RNF112: variants seen among roughly 807,000 people sequenced by gnomAD.
RNF112 encodes brain finger protein.
Under a neutral mutation model 64.7 loss-of-function variants are expected in RNF112, and 34 were observed. That is an observed-to-expected ratio of 0.53 (90% CI 0.40 to 0.70). RNF112 has a LOEUF of 0.70. RNF112 is among the 30% of genes least tolerant of loss of function. The pLI is 0.00. For missense variants in RNF112, 734 were observed against 850.0 expected, an observed-to-expected ratio of 0.86 and a Z score of 1.70; for synonymous variants, 345 against 344.5, an observed-to-expected ratio of 1.00 and a Z score of -0.02.
At chr17:19,414,743 C>T (rs1320893829) in intron 9 of RNF112, 27 bp from the exon 10 acceptor site, 1 of 1,612,258 alleles carries the variant, frequency 6.2e-7, no homozygotes, top group African/African-American at 1.3e-5. Context: ...CCTCCTAGCT[C>T]AGAGCACTCC....
chr17:19,414,758 G>T lies in RNF112; in HGVS notation c.1009-12G>T. 1 of 1,612,686 alleles carries T rather than the reference G, an allele frequency of 6.2e-7. No individual in the cohort carries two copies. Among genetic ancestry groups the T allele is most frequent in the Non-Finnish European group, 8.5e-7 (1 of 1,179,576 alleles). Reference sequence around the variant, plus strand: ...CCTCCTAGCTCAGAGCACTCCTCTCGCTGCCTCACAGAGATTGTCTGGCAG... The same window carrying T: ...CCTCCTAGCTCAGAGCACTCCTCTCTCTGCCTCACAGAGATTGTCTGGCAG... On this transcript the variant is annotated splice_polypyrimidine_tract_variant and intron_variant, in intron 9 of 13. Transcript: ENST00000461366.
At position 19,415,419 on chromosome 17, in the gene RNF112, G is replaced by C; in HGVS notation, c.1350+80G>C. ...GTGGGGGCTGTGCCGAGGCCTCCGG[G>C]GTGGGGGTCTGTGTGCCCTGGGAGT... On this transcript the variant is annotated intron_variant, in intron 12 of 13. Transcript: ENST00000461366. This position sits in a 1 kb window ranked among gnomAD's most constrained non-coding sequence, Gnocchi z 7.8. 1 of 1,544,574 alleles carries C rather than the reference G, an allele frequency of 6.5e-7. No homozygotes were observed. The highest frequency in any genetic ancestry group is 1.2e-5 in the South Asian group (1 of 81,944).
In RNF112 at chr17:19,412,738, G is replaced by A; in HGVS notation, c.336G>A (p.Glu112=). The change falls in exon 3 of 14, where the codon GAG becomes GAA. Residue 112 remains glutamate (E), a synonymous_variant. Coordinates refer to ENST00000461366, the MANE Select transcript of RNF112 (RefSeq NM_007148.5). This position sits in a 1 kb window ranked among gnomAD's most constrained non-coding sequence, Gnocchi z 5.1. ...KQKRGLRSLG[E]KMKLLPQRPL... ...AGAGGGGCCTCCGGAGCCTGGGCGAGAAGATGAAGCTCCTGCCGCAGCGGC... is the reference window on the plus strand; with the variant it reads ...AGAGGGGCCTCCGGAGCCTGGGCGAAAAGATGAAGCTCCTGCCGCAGCGGC... 1 of 1,613,072 alleles carries A rather than the reference G, an allele frequency of 6.2e-7. No homozygotes were observed. The highest frequency in any genetic ancestry group is 8.5e-7 in the Non-Finnish European group (1 of 1,179,804).
chr17:19,416,355 G>T lies in RNF112; in HGVS notation c.*180G>T. 1 of 598,810 alleles carries T rather than the reference G, an allele frequency of 1.7e-6. No homozygotes were observed. Among genetic ancestry groups the T allele is most frequent in the Non-Finnish European group, 2.8e-6 (1 of 352,358 alleles). 37.1% of individuals were successfully genotyped at this position (598,810 alleles called of 1,614,324 possible). On this transcript the variant is annotated 3_prime_UTR_variant, in exon 14 of 14. Coordinates refer to ENST00000461366, the MANE Select transcript of RNF112 (RefSeq NM_007148.5). ...GACTCAAGGTGGCTCTTGGAACCTG[G>T]GAGGCAGCATCTGGGGGCAGTGGAT...
In RNF112 at chr17:19,411,613, T is replaced by TC. The variant is rs767625511; in HGVS notation, c.55-17_55-16insC. 3.2e-6 allele frequency: 5 copies of TC among 1,548,336 alleles called. No individual in the cohort carries two copies. The East Asian group carries it at 1.2e-4, about 38-fold the overall frequency. Reference sequence around the variant, plus strand: ...GGATTATGTTCTAAATCTTTTTTTTTTTTTTTTTTCTCCAAGGAGAGAAAA... The same window carrying TC: ...GGATTATGTTCTAAATCTTTTTTTTTCTTTTTTTTTCTCCAAGGAGAGAAAA... On this transcript the variant is annotated splice_polypyrimidine_tract_variant and intron_variant, in intron 1 of 13. Transcript: ENST00000461366.
chr17:19,413,493 G>T lies in RNF112; in HGVS notation c.720+82G>T. 1.3e-6 allele frequency: 2 copies of T among 1,566,772 alleles called. No individual in the cohort carries two copies. Among genetic ancestry groups the T allele is most frequent in the East Asian group, 2.3e-5 (1 of 44,250 alleles). ...GTCTCTGGGGTGAGGATAGAAGATG[G>T]GGATGGGACGGGGCAGGGTTGGGAA... is the stretch of plus-strand genomic sequence containing the variant. On this transcript the variant is annotated intron_variant, in intron 5 of 13. Transcript: ENST00000461366. The surrounding 1 kb of genome is among the most constrained non-coding windows in gnomAD (Gnocchi z 5.9).
rs1330660031 is a variant in RNF112 at position 19,415,824 on chromosome 17, G to A, written c.1545G>A (p.Lys515=). Residue 515 remains lysine, a synonymous_variant, in exon 14 of 14, where the codon AAG becomes AAA. Transcript: ENST00000461366. This position sits in a 1 kb window ranked among gnomAD's most constrained non-coding sequence, Gnocchi z 7.8. Reference sequence around the variant, plus strand: ...GCCATGGTGTGGCCTTACTCTGCAAGGGGAGAGATCAGACCTTGGAGGCAC... The same window carrying A: ...GCCATGGTGTGGCCTTACTCTGCAAAGGGAGAGATCAGACCTTGGAGGCAC... The part of the protein sequence containing the change: ...LARHGVALLC[K]GRDQTLEALE... The A allele has an allele frequency of 1.2e-6, 2 of 1,613,726 alleles. No homozygotes were observed. Among genetic ancestry groups the A allele is most frequent in the African/African-American group, 2.7e-5 (2 of 74,948 alleles).
rs1275719099 is a variant in RNF112, at chr17:19,413,692, G to A, written c.825+11G>A. ...CTGAGCTCCTACCAGGTGATGGGGG[G>A]CGCTGATGTTGGCATCCCCACCCCA... is the stretch of plus-strand genomic sequence containing the variant. On this transcript the variant is annotated intron_variant, in intron 6 of 13. Transcript: ENST00000461366. This position sits in a 1 kb window ranked among gnomAD's most constrained non-coding sequence, Gnocchi z 5.9. 17 of 1,583,252 alleles carry A rather than the reference G, an allele frequency of 1.1e-5. No individual in the cohort carries two copies. The highest frequency in any genetic ancestry group is 1.7e-4 in the Middle Eastern group (1 of 6,026).
chr17:19,411,604 CTTTTTTT>C lies in RNF112; in HGVS notation c.55-14_55-8del, dbSNP rs33912708. 5.4e-5 allele frequency: 77 copies of C among 1,414,234 alleles called. No individual in the cohort carries two copies. In the South Asian group the frequency reaches 7.6e-4, roughly 14 times the overall value. The allele number at this position is 1,414,234 out of a possible 1,614,324, so 87.6% of individuals were successfully genotyped here. On this transcript the variant is annotated intron_variant, in intron 1 of 13. Transcript: ENST00000461366. ...TAGAAGTCTGGATTATGTTCTAAATCTTTTTTTTTTTTTTTTTTCTCCAAGGAGAGAA... is the reference window on the plus strand; with the variant it reads ...TAGAAGTCTGGATTATGTTCTAAATCTTTTTTTTTTTCTCCAAGGAGAGAA...
chr17:19,414,860 A>G lies in RNF112; in HGVS notation c.1099A>G (p.Met367Val). The G allele has an allele frequency of 1.2e-6, 2 of 1,613,636 alleles. No homozygotes were observed. Among genetic ancestry groups the G allele is most frequent in the South Asian group, 1.1e-5 (1 of 91,076 alleles). The change falls in exon 10 of 14, where the codon ATG becomes GTG. Residue 367 changes from methionine (M) to valine (V), a missense_variant. Physicochemically the swap from Met to Val is conservative, Grantham distance 21. Transcript: ENST00000461366. ...CLLPAPGRRR[M>V]NQGHASPGDT... ...CTTGCCTGCCCCAGGGAGGCGGCGG[A>G]TGAACCAAGGCCATGCAAGCCCTGG... is the stretch of plus-strand genomic sequence containing the variant.
In RNF112 at chr17:19,413,685, A is replaced by T; in HGVS notation, c.825+4A>T. On this transcript the variant is annotated splice_donor_region_variant and intron_variant, in intron 6 of 13. Transcript: ENST00000461366. This position sits in a 1 kb window ranked among gnomAD's most constrained non-coding sequence, Gnocchi z 5.9. Reference sequence around the variant, plus strand: ...CACGATGCTGAGCTCCTACCAGGTGATGGGGGGCGCTGATGTTGGCATCCC... The same window carrying T: ...CACGATGCTGAGCTCCTACCAGGTGTTGGGGGGCGCTGATGTTGGCATCCC... 1 of 1,598,490 alleles carries T rather than the reference A, an allele frequency of 6.3e-7. No individual in the cohort carries two copies. The highest frequency in any genetic ancestry group is 2.3e-5 in the East Asian group (1 of 44,430).
At chr17:19,411,960 T>C in intron 2 of RNF112, 5 of 542,260 alleles carry the variant, frequency 9.2e-6, no homozygotes. Context: ...TAGCATGGGG[T>C]TGTGGAGGGT....
chr17:19,416,242 G>T lies in RNF112; in HGVS notation c.*67G>T, dbSNP rs1913891786. 5.7e-6 allele frequency: 8 copies of T among 1,400,358 alleles called. No individual in the cohort carries two copies. In the South Asian group the frequency reaches 7.0e-5, roughly 12 times the overall value. The allele number at this position is 1,400,358 out of a possible 1,614,324, so 86.7% of individuals were successfully genotyped here. On this transcript the variant is annotated 3_prime_UTR_variant, in exon 14 of 14. Coordinates refer to ENST00000461366, the MANE Select transcript of RNF112 (RefSeq NM_007148.5). ...GGGATGAAGAAGAGGGGCAGGTCGG[G>T]GGAGGGTGATGCCAGGGATTCCAAG... is the stretch of plus-strand genomic sequence containing the variant.
At position 19,411,621 on chromosome 17, in the gene RNF112, T is replaced by C. The variant is rs764571607; in HGVS notation, c.55-9T>C. ...TTCTAAATCTTTTTTTTTTTTTTTT[T>C]TCTCCAAGGAGAGAAAACAGAGCTT... On this transcript the variant is annotated splice_polypyrimidine_tract_variant and intron_variant, in intron 1 of 13. Transcript: ENST00000461366. 117 of 1,543,306 alleles carry C rather than the reference T, an allele frequency of 7.6e-5. No homozygotes were observed. The highest frequency in any genetic ancestry group is 6.9e-4 in the Middle Eastern group (4 of 5,818).
rs374796070 is a variant in RNF112, at chr17:19,413,138, G to C, written c.582G>C (p.Pro194=). The C allele has an allele frequency of 8.1e-6, 13 of 1,612,410 alleles. No homozygotes were observed. The highest frequency in any genetic ancestry group is 1.6e-4 in the Middle Eastern group (1 of 6,082). The part of the protein sequence containing the change: ...FLLNHLLQGL[P]GLESGEGGRP... Reference sequence around the variant, plus strand: ...TCAACCATTTGCTTCAGGGCTTGCCGGGCCTGGTGAGGGCGGGGCGGGGCA... The same window carrying C: ...TCAACCATTTGCTTCAGGGCTTGCCCGGCCTGGTGAGGGCGGGGCGGGGCA... The change falls in exon 4 of 14, where the codon CCG becomes CCC. Residue 194 remains proline, a synonymous_variant. Coordinates refer to ENST00000461366, the MANE Select transcript of RNF112 (RefSeq NM_007148.5). The surrounding 1 kb of genome is among the most constrained non-coding windows in gnomAD (Gnocchi z 5.9).
rs1328465969 is a variant in RNF112, at chr17:19,414,162, T to A, written c.876+17T>A. On this transcript the variant is annotated intron_variant, in intron 7 of 13. Transcript: ENST00000461366. ...TATCTGGAGGTAAAGAGACCTCTGATGTTGGGGCATCCCCCACCCCCACCC... is the reference window on the plus strand; with the variant it reads ...TATCTGGAGGTAAAGAGACCTCTGAAGTTGGGGCATCCCCCACCCCCACCC... 1.3e-6 allele frequency: 2 copies of A among 1,599,174 alleles called. No individual in the cohort carries two copies. The highest frequency in any genetic ancestry group is 2.2e-5 in the South Asian group (2 of 90,766).
At chr17:19,414,381 A>T in intron 7 of RNF112, 68 bp from the exon 8 acceptor site, 2 of 1,583,818 alleles carry the variant, frequency 1.3e-6, no homozygotes, top group Non-Finnish European at 1.7e-6. Flanking sequence ...AGGTGGGGAG[A>T]CAGGCTTGGG....
Position 19,413,029 on chromosome 17 carries a change from G to T in RNF112, c.473G>T (p.Cys158Phe). 1 of 1,612,530 alleles carries T rather than the reference G, an allele frequency of 6.2e-7. No individual in the cohort carries two copies. The highest frequency in any genetic ancestry group is 8.5e-7 in the Non-Finnish European group (1 of 1,179,522). Residue 158 changes from cysteine (C) to phenylalanine (F), a missense_variant, in exon 4 of 14, where the codon TGC becomes TTC. Physicochemically the swap from Cys to Phe is radical, Grantham distance 205. Transcript: ENST00000461366. This position sits in a 1 kb window ranked among gnomAD's most constrained non-coding sequence, Gnocchi z 5.9. ...LILRMGAINR[C>F]LKHPLARDTP... ...CTTAGGATGGGGGCCATCAACCGCTGCCTGAAGCACCCTCTGGCCAGGGAC... is the reference window on the plus strand; with the variant it reads ...CTTAGGATGGGGGCCATCAACCGCTTCCTGAAGCACCCTCTGGCCAGGGAC...
rs926232987 is a variant in RNF112, at chr17:19,411,429, A to G, written c.21A>G (p.Ser7=). 6.2e-7 allele frequency: 1 copy of G among 1,605,872 alleles called. No homozygotes were observed. Among genetic ancestry groups the G allele is most frequent in the African/African-American group, 1.4e-5 (1 of 74,002 alleles). Residue 7 remains serine, a synonymous_variant, in exon 1 of 14, where the codon TCA becomes TCG. Coordinates refer to ENST00000461366, the MANE Select transcript of RNF112 (RefSeq NM_007148.5). ...CTCCCATGCCAAGGCCCGCCTTGTC[A>G]GTCACTTCCTTTTGTCATCGGCTTG... The part of the protein sequence containing the change: MPRPAL[S]VTSFCHRLGK...
Sources: gnomAD v4.1 joint callset for allele counts on GRCh38, gnomAD v4.1.1 for gene constraint, Gnocchi (gnomAD v3.1) non-coding constraint, MANE v1.5 for transcripts, NCBI Gene and HGNC (gene_info 2026-07-23, HGNC 2026-07-21) for gene names.